Variants in KCNQ3 observed in about 807,000 individuals in gnomAD.
The protein encoded by KCNQ3 is potassium voltage-gated channel subfamily Q member 3, also known as potassium voltage-gated channel subfamily KQT member 3.
A neutral mutation model predicts 92.5 loss-of-function variants in KCNQ3; 30 were observed. The observed-to-expected ratio is 0.32, with a 90% confidence interval of 0.24 to 0.44. KCNQ3 has a LOEUF of 0.44. Among genes scored for constraint, KCNQ3 ranks in the 20% least tolerant of loss-of-function variants. The probability of loss-of-function intolerance (pLI) is 1.00; values close to 1 mark genes in which losing one functional copy is unlikely to be tolerated. For synonymous variants in KCNQ3, 450 were observed against 468.8 expected (o/e 0.96, Z 0.52); for missense variants, 913 against 1,140.3 (o/e 0.80, Z 2.87).
intron 1 of KCNQ3, among the ~76,000 whole-genome samples, chr8:132,449,821 G>A (rs1439883310): frequency 1.3e-5 from 2 of 152,322 alleles, no homozygotes; most frequent in Middle Eastern, 6.8e-3. Flanking sequence ...GCAAGGGACA[G>A]TTAAGAACCA....
At chr8:132,217,355 T>A (rs1484345467) in intron 1 of KCNQ3, among the ~76,000 whole-genome samples, 1 of 152,190 alleles carries the variant, frequency 6.6e-6, no homozygotes, top group Non-Finnish European at 1.5e-5. Context: ...CATTTCTTCA[T>A]GGCTAGCCTT....
intron 1 of KCNQ3, 61 bp from the exon 2 acceptor site, chr8:132,186,242 A>T (rs1369152000): frequency 8.3e-7 from 1 of 1,205,258 alleles, no homozygotes; most frequent in Non-Finnish European, 1.2e-6. Context: ...TTTGAGGCTA[A>T]GATGGGGAAA....
intron 1 of KCNQ3, among the ~76,000 whole-genome samples, chr8:132,435,099 C>T (rs1821358114): frequency 6.6e-6 from 1 of 152,120 alleles, no homozygotes; most frequent in Non-Finnish European, 1.5e-5. Context: ...CCAGCACAGG[C>T]CTGGGTGGGG....
chr8:132,220,797 T>C (rs1392542717), intron 1 of KCNQ3, among the ~76,000 whole-genome samples: 2 of 146,606 alleles, frequency 1.4e-5, no homozygotes, highest in African/African-American at 2.6e-5. Context: ...AATAAAAATA[T>C]CAATGGCATG....
intron 1 of KCNQ3, among the ~76,000 whole-genome samples, chr8:132,230,296 G>T (rs576142554): frequency 6.6e-6 from 1 of 151,906 alleles, no homozygotes; most frequent in Non-Finnish European, 1.5e-5. Context: ...GATGAAAAAG[G>T]CTCCTTACCT....
In KCNQ3 at chr8:132,127,836, C is replaced by T. The variant is rs1027903897; in HGVS notation, c.*1426G>A. ...TTAATATCACACCTGTACAGTAGGGCAGTGCTTCCCAGGCTGTCTGCTTAC... is the reference window on the plus strand; with the variant it reads ...TTAATATCACACCTGTACAGTAGGGTAGTGCTTCCCAGGCTGTCTGCTTAC... On this transcript the variant is annotated 3_prime_UTR_variant, in exon 15 of 15. Coordinates refer to ENST00000388996, the MANE Select transcript of KCNQ3 (RefSeq NM_004519.4). 3 of 152,182 alleles carry T rather than the reference C, an allele frequency of 2.0e-5. No individual in the cohort carries two copies. Among genetic ancestry groups the T allele is most frequent in the Admixed American group, 2.0e-4 (3 of 15,282 alleles). The allele number at this position is 152,182 out of a possible 1,614,324, so 9.4% of individuals were successfully genotyped here.
At position 132,127,974 on chromosome 8, in the gene KCNQ3, TTTAC is replaced by T. The variant is rs1319400662; in HGVS notation, c.*1284_*1287del. On this transcript the variant is annotated 3_prime_UTR_variant, in exon 15 of 15. Transcript: ENST00000388996. The stretch of plus-strand genomic sequence containing the variant: ...TGGACGGTTCTGGAAATTTTGCCTG[TTTAC>T]ACATCTGTAAATGTAGCTTGCTTGC... The T allele has an allele frequency of 6.6e-6, 1 of 152,248 alleles. No homozygotes were observed. Among genetic ancestry groups the T allele is most frequent in the East Asian group, 1.9e-4 (1 of 5,204 alleles). The allele number at this position is 152,248 out of a possible 1,614,324, so 9.4% of individuals were successfully genotyped here.
intron 1 of KCNQ3, among the ~76,000 whole-genome samples, chr8:132,208,045 C>T (rs1053897733): frequency 2.0e-5 from 3 of 151,946 alleles, no homozygotes; most frequent in African/African-American, 7.3e-5. Context: ...GTAGACATTT[C>T]CTTCCCTCCC....
intron 12 of KCNQ3, among the ~76,000 whole-genome samples, chr8:132,136,418 A>T (rs1825095425): frequency 6.6e-6 from 1 of 152,118 alleles, no homozygotes; most frequent in African/African-American, 2.4e-5. Context: ...ATGCTTTTTC[A>T]AAGGGCATTT....
intron 1 of KCNQ3, among the ~76,000 whole-genome samples, chr8:132,326,283 G>A (rs1368422485): frequency 6.6e-6 from 1 of 152,184 alleles, no homozygotes; most frequent in Non-Finnish European, 1.5e-5. Flanking sequence ...GGATTCCTGT[G>A]CCTGGAAGTC....
intron 1 of KCNQ3, among the ~76,000 whole-genome samples, chr8:132,312,430 C>T (rs1204121963): frequency 1.3e-5 from 2 of 152,074 alleles, no homozygotes. Context: ...CTGGGGGATG[C>T]AGCTACCACA....
chr8:132,336,528 G>A (rs181947289), intron 1 of KCNQ3, among the ~76,000 whole-genome samples: 9 of 152,326 alleles, frequency 5.9e-5, no homozygotes, highest in Admixed American at 4.6e-4. Flanking sequence ...AAGGCACAGC[G>A]GTGTTATAAG....
rs377476028 is a variant in KCNQ3, at chr8:132,269,974, A to G, written c.387-83793T>C. Among the ~76,000 whole-genome samples the G allele has an allele frequency of 2.2e-4, 33 of 152,340 alleles. No homozygotes were observed. The South Asian group carries it at 6.8e-3, about 32-fold the overall frequency. On this transcript the variant is annotated intron_variant, in intron 1 of 14. Coordinates refer to ENST00000388996, the MANE Select transcript of KCNQ3 (RefSeq NM_004519.4). ...CCAATCCAGACATATCTATATTACT[A>G]GAAAATTTACATTTTGATCACCAGC...
intron 1 of KCNQ3, among the ~76,000 whole-genome samples, chr8:132,441,776 C>T (rs1389194035): frequency 6.6e-6 from 1 of 152,124 alleles, no homozygotes; most frequent in Non-Finnish European, 1.5e-5. Context: ...GAAATCTCAT[C>T]AGCATGTCAT....
At chr8:132,272,746 C>T (rs969177872) in intron 1 of KCNQ3, among the ~76,000 whole-genome samples, 1 of 152,132 alleles carries the variant, frequency 6.6e-6, no homozygotes, top group East Asian at 1.9e-4. Context: ...ATTCAATTAC[C>T]TTCCACTGGG....
At chr8:132,280,398 G>A (rs1816476270) in intron 1 of KCNQ3, among the ~76,000 whole-genome samples, 1 of 152,198 alleles carries the variant, frequency 6.6e-6, no homozygotes, top group East Asian at 1.9e-4. Context: ...GGCAGAAAGC[G>A]AAGCAGCAGG....
intron 1 of KCNQ3, among the ~76,000 whole-genome samples, chr8:132,380,396 T>C (rs914822020): frequency 2.6e-5 from 4 of 152,166 alleles, no homozygotes; most frequent in Non-Finnish European, 4.4e-5. Flanking sequence ...CCTGCATAGA[T>C]AGGAAGTGAT....
At chr8:132,277,348 AC>A (rs1430475611) in intron 1 of KCNQ3, among the ~76,000 whole-genome samples, 19 of 152,134 alleles carry the variant, frequency 1.2e-4, no homozygotes, top group African/African-American at 4.6e-4. Context: ...CTTTCCTCCA[AC>A]ATCTGGCCAA....
intron 1 of KCNQ3, among the ~76,000 whole-genome samples, chr8:132,244,532 C>T (rs753421501): frequency 2.6e-5 from 4 of 152,070 alleles, no homozygotes; most frequent in Non-Finnish European, 4.4e-5. Flanking sequence ...CCAGAAAGAT[C>T]AAAAGAATGA....
Sources: allele counts gnomAD v4.1 joint callset (sites outside exome capture counted in the v4.1 genomes callset), GRCh38; gene constraint gnomAD v4.1.1; transcripts MANE v1.5; gene names NCBI Gene and HGNC (gene_info 2026-07-23, HGNC 2026-07-21).